Variants in ZMAT4 observed in about 807,000 individuals in gnomAD.
ZMAT4 encodes the protein zinc finger matrin-type protein 4.
Under a neutral mutation model 28.7 loss-of-function variants are expected in ZMAT4, and 17 were observed. The ratio of observed to expected loss-of-function variants is 0.59; its 90% CI spans 0.41 to 0.89. The LOEUF is 0.89. ZMAT4 is among the 40% of genes least tolerant of loss of function. ZMAT4 has a pLI of 0.00. For synonymous variants in ZMAT4, 117 were observed against 109.2 expected (o/e 1.07, Z -0.44); for missense variants, 240 against 283.8 (o/e 0.85, Z 1.11).
chr8:40,534,645 T>C (rs949581002), intron 6 of ZMAT4, among the ~76,000 whole-genome samples: 5 of 151,278 alleles, frequency 3.3e-5, no homozygotes, highest in African/African-American at 1.2e-4. Flanking sequence ...GATGAAAACA[T>C]GGCCTCAGTT....
intron 2 of ZMAT4, among the ~76,000 whole-genome samples, chr8:40,788,995 G>A (rs1279295087): frequency 1.4e-5 from 2 of 139,870 alleles, no homozygotes; most frequent in Non-Finnish European, 3.1e-5. Context: ...GAGGAAGGGA[G>A]GGAGGGAGGA....
chr8:40,660,558 C>G (rs980512833), intron 5 of ZMAT4, among the ~76,000 whole-genome samples: 1 of 152,150 alleles, frequency 6.6e-6, no homozygotes, highest in East Asian at 1.9e-4. Context: ...ATGAAGAGCT[C>G]TTTCTCTAAG....
intron 5 of ZMAT4, among the ~76,000 whole-genome samples, chr8:40,651,376 T>A (rs1807640710): frequency 3.9e-5 from 6 of 152,036 alleles, no homozygotes. Flanking sequence ...ACAAGGGATG[T>A]GAAGGACCTC....
At chr8:40,614,785 T>G in intron 5 of ZMAT4, among the ~76,000 whole-genome samples, 1 of 152,190 alleles carries the variant, frequency 6.6e-6, no homozygotes, top group Admixed American at 6.5e-5. Context: ...TTGGTAGATC[T>G]TCCTCCATCC....
chr8:40,536,541 G>A (rs889149815), intron 6 of ZMAT4, among the ~76,000 whole-genome samples: 5 of 151,984 alleles, frequency 3.3e-5, no homozygotes, highest in African/African-American at 1.2e-4. Context: ...TATTCCTTGC[G>A]ATTACTCCAC....
chr8:40,772,299 C>A (rs955459343), intron 2 of ZMAT4, among the ~76,000 whole-genome samples: 6 of 152,182 alleles, frequency 3.9e-5, no homozygotes, highest in Admixed American at 3.3e-4. Context: ...GAAACAATCT[C>A]TTGGCACTCA....
At chr8:40,863,110 G>A (rs1214880746) in intron 1 of ZMAT4, among the ~76,000 whole-genome samples, 8 of 152,120 alleles carry the variant, frequency 5.3e-5, no homozygotes, top group African/African-American at 9.7e-5. Flanking sequence ...TGGCAAGACC[G>A]GAGGCTGGAA....
At chr8:40,547,436 A>G (rs1803239247) in intron 6 of ZMAT4, among the ~76,000 whole-genome samples, 1 of 152,218 alleles carries the variant, frequency 6.6e-6, no homozygotes, top group Non-Finnish European at 1.5e-5. Context: ...GAAGGAAGCC[A>G]CAGCATGAAG....
At chr8:40,541,200 C>T (rs1466104617) in intron 6 of ZMAT4, among the ~76,000 whole-genome samples, 1 of 151,992 alleles carries the variant, frequency 6.6e-6, no homozygotes, top group Non-Finnish European at 1.5e-5. Flanking sequence ...CTACATGAGC[C>T]TCGGTTTTAG....
intron 1 of ZMAT4, among the ~76,000 whole-genome samples, chr8:40,880,800 T>G (rs1358136601): frequency 6.6e-6 from 1 of 152,230 alleles, no homozygotes; most frequent in East Asian, 1.9e-4. Context: ...TTTTAGCTGT[T>G]ATATTTCTCT....
At position 40,599,403 on chromosome 8, in the gene ZMAT4, A is replaced by G. The variant is rs917775578; in HGVS notation, c.578-18142T>C. ...CATATATATGTGTGTGTGTATATAT[A>G]TGTGTGTGTGTGTGTAGACATAAAC... is the stretch of plus-strand genomic sequence containing the variant. On this transcript the variant is annotated intron_variant, in intron 5 of 6. Transcript: ENST00000297737. Among the ~76,000 whole-genome samples the G allele has an allele frequency of 3.3e-5, 5 of 151,734 alleles. No homozygotes were observed. In the South Asian group the frequency reaches 6.3e-4, roughly 19 times the overall value.
intron 6 of ZMAT4, among the ~76,000 whole-genome samples, chr8:40,564,114 G>A (rs755195247): frequency 2.6e-5 from 4 of 152,090 alleles, no homozygotes; most frequent in Non-Finnish European, 5.9e-5. Flanking sequence ...GAGAAAATAC[G>A]TGAATGAGGT....
chr8:40,851,712 A>G (rs1343816826), intron 1 of ZMAT4, among the ~76,000 whole-genome samples: 3 of 152,132 alleles, frequency 2.0e-5, no homozygotes, highest in African/African-American at 7.2e-5. Flanking sequence ...TATCTCAAAC[A>G]TTTATCATTT....
chr8:40,569,477 C>T (rs1023409645), intron 6 of ZMAT4, among the ~76,000 whole-genome samples: 1 of 152,162 alleles, frequency 6.6e-6, no homozygotes, highest in African/African-American at 2.4e-5. Flanking sequence ...AGGCACTACA[C>T]TAACTTACAG....
intron 1 of ZMAT4, among the ~76,000 whole-genome samples, chr8:40,842,251 C>T (rs958530529): frequency 9.2e-5 from 14 of 152,216 alleles, no homozygotes; most frequent in Admixed American, 3.9e-4. Flanking sequence ...TATACCCTCC[C>T]ATGGCCTCAT....
At chr8:40,881,545 A>G (rs1457975636) in intron 1 of ZMAT4, among the ~76,000 whole-genome samples, 1 of 66,876 alleles carries the variant, frequency 1.5e-5, no homozygotes, top group Non-Finnish European at 3.2e-5. Flanking sequence ...AAAGAAAGAA[A>G]GAAAGAAAGA....
chr8:40,891,252 A>G (rs1485128538), intron 1 of ZMAT4, among the ~76,000 whole-genome samples: 1 of 22,540 alleles, frequency 4.4e-5, no homozygotes, highest in Non-Finnish European at 9.1e-5. Context: ...GCAAGGGGGA[A>G]GGGGGAGGGG....
intron 5 of ZMAT4, among the ~76,000 whole-genome samples, chr8:40,632,956 C>T (rs1477651874): frequency 6.6e-6 from 1 of 152,108 alleles, no homozygotes; most frequent in Admixed American, 6.5e-5. Context: ...ACTTATTGAG[C>T]TTGTTCAATG....
chr8:40,856,367 AAAGG>A (rs937712517), intron 1 of ZMAT4, among the ~76,000 whole-genome samples: 6 of 152,180 alleles, frequency 3.9e-5, no homozygotes, highest in Admixed American at 3.9e-4. Context: ...AAAGAAAGCA[AAAGG>A]AAGAGAGAAC....
Sources: gnomAD v4.1 joint callset for allele counts (sites outside exome capture counted in the v4.1 genomes callset) on GRCh38, gnomAD v4.1.1 for gene constraint, MANE v1.5 for transcripts, NCBI Gene and HGNC (gene_info 2026-07-23, HGNC 2026-07-21) for gene names.